PARD3: variants seen among roughly 807,000 people sequenced by gnomAD.
The protein encoded by PARD3 is par-3 family cell polarity regulator.
In PARD3, 75 loss-of-function variants were observed where a neutral mutation model predicts 155.4. That is an observed-to-expected ratio of 0.48 (90% CI 0.40 to 0.58). The LOEUF is 0.58. PARD3 is among the 20% of genes least tolerant of loss of function. The probability of loss-of-function intolerance (pLI) is 0.00; values close to 1 mark genes in which losing one functional copy is unlikely to be tolerated. For synonymous variants in PARD3, 576 were observed against 610.5 expected, an observed-to-expected ratio of 0.94 and a Z score of 0.83; for missense variants, 1,642 against 1,721.7, an observed-to-expected ratio of 0.95 and a Z score of 0.82.
chr10:34,671,832 T>C (rs1390072934), intron 2 of PARD3, among the ~76,000 whole-genome samples: 1 of 150,306 alleles, frequency 6.7e-6, no homozygotes, highest in African/African-American at 2.5e-5. Flanking sequence ...GGTCATGAAT[T>C]ACAAAAACAT....
At chr10:34,429,537 A>C (rs1221950764) in intron 5 of PARD3, among the ~76,000 whole-genome samples, 1 of 150,942 alleles carries the variant, frequency 6.6e-6, no homozygotes, top group Non-Finnish European at 1.5e-5. Context: ...CTAAGAATAC[A>C]GCCCCACTCT....
At chr10:34,666,814 TATAC>T (rs1554804667) in intron 2 of PARD3, among the ~76,000 whole-genome samples, 3 of 92,084 alleles carry the variant, frequency 3.3e-5, no homozygotes, top group African/African-American at 1.5e-4. Flanking sequence ...TATATATATA[TATAC>T]ACACACACAC....
At chr10:34,443,566 G>A (rs766603698) in intron 5 of PARD3, among the ~76,000 whole-genome samples, 7 of 152,082 alleles carry the variant, frequency 4.6e-5, no homozygotes, top group Middle Eastern at 3.2e-3. Context: ...AAGAGCTCGA[G>A]CAGGGAAATT....
At chr10:34,583,675 G>A (rs1283169510) in intron 2 of PARD3, among the ~76,000 whole-genome samples, 1 of 152,084 alleles carries the variant, frequency 6.6e-6, no homozygotes, top group Non-Finnish European at 1.5e-5. Context: ...TTATCTTCCA[G>A]AGGTTACTGC....
chr10:34,495,132 C>A (rs565447371), intron 3 of PARD3, among the ~76,000 whole-genome samples: 1 of 152,108 alleles, frequency 6.6e-6, no homozygotes, highest in African/African-American at 2.4e-5. Flanking sequence ...CATTGAGATA[C>A]CATTGCTTCC....
chr10:34,329,332 GCAT>G (rs1430321838), intron 19 of PARD3, among the ~76,000 whole-genome samples: 1 of 151,944 alleles, frequency 6.6e-6, no homozygotes, highest in Non-Finnish European at 1.5e-5. Flanking sequence ...AAGTTCAAAA[GCAT>G]CATTATAGAT....
chr10:34,231,266 CAAAAAAAAAA>C (rs57175956), intron 22 of PARD3, among the ~76,000 whole-genome samples: 2 of 81,840 alleles, frequency 2.4e-5, no homozygotes, highest in South Asian at 6.5e-4. Context: ...TAATCTTAGG[CAAAAAAAAAA>C]AAAAAAAAAA....
chr10:34,604,821 T>C (rs1251641919), intron 2 of PARD3, among the ~76,000 whole-genome samples: 3 of 151,974 alleles, frequency 2.0e-5, no homozygotes, highest in African/African-American at 4.8e-5. Flanking sequence ...ACTGATAAAT[T>C]TGCAGAAGAC....
rs199947472 is a variant in PARD3, at chr10:34,347,938, T to C, written c.2218+27A>G. The C allele has an allele frequency of 8.0e-4, 1,269 of 1,587,596 alleles. 2 individuals are homozygous for C. The highest frequency in any genetic ancestry group is 2.0e-3 in the Admixed American group (119 of 58,192). On this transcript the variant is annotated intron_variant, in intron 15 of 24. Coordinates refer to ENST00000374788, the MANE Select transcript of PARD3 (RefSeq NM_001184785.2). Reference sequence around the variant, plus strand: ...CCAATGAAAGCATCAAAATAAGATGTGATAAACAGAGTTTTACCTGACTCA... The same window carrying C: ...CCAATGAAAGCATCAAAATAAGATGCGATAAACAGAGTTTTACCTGACTCA...
chr10:34,366,262 A>G (rs1839957060), intron 12 of PARD3, among the ~76,000 whole-genome samples: 1 of 152,248 alleles, frequency 6.6e-6, no homozygotes, highest in Non-Finnish European at 1.5e-5. Context: ...TAGATAAGAT[A>G]TTCAACACTT....
intron 9 of PARD3, among the ~76,000 whole-genome samples, chr10:34,379,475 T>C (rs1388375145): frequency 1.3e-5 from 2 of 152,046 alleles, no homozygotes; most frequent in African/African-American, 4.8e-5. Context: ...TCTGGGGAGA[T>C]TTTTCCATAT....
At chr10:34,667,358 G>A (rs1166887272) in intron 2 of PARD3, among the ~76,000 whole-genome samples, 1 of 152,190 alleles carries the variant, frequency 6.6e-6, no homozygotes, top group Non-Finnish European at 1.5e-5. Flanking sequence ...AACCCCAAGT[G>A]TCATTCCACA....
chr10:34,540,328 A>G (rs567671152), intron 2 of PARD3, among the ~76,000 whole-genome samples: 29 of 139,994 alleles, frequency 2.1e-4, no homozygotes, highest in African/African-American at 9.7e-4. Flanking sequence ...AACACACTAT[A>G]TTAAAAAAAA....
At chr10:34,608,316 C>T (rs996151689) in intron 2 of PARD3, among the ~76,000 whole-genome samples, 6 of 152,094 alleles carry the variant, frequency 3.9e-5, no homozygotes, top group African/African-American at 1.4e-4. Context: ...TTCTTGACAA[C>T]GTATATAGCG....
At chr10:34,653,977 A>G (rs1687998019) in intron 2 of PARD3, among the ~76,000 whole-genome samples, 1 of 152,156 alleles carries the variant, frequency 6.6e-6, no homozygotes. Flanking sequence ...AGACATGCAC[A>G]CCAATTATGG....
Position 34,445,037 on chromosome 10 carries a change from T to C in PARD3, c.714+5280A>G, listed in dbSNP as rs576048924. ...GATGGCCATCAGTTCTACCCTGGTG[T>C]TCCCAAATTGGAAAGGCAGAGGATT... On this transcript the variant is annotated intron_variant, in intron 5 of 24. Coordinates refer to ENST00000374788, the MANE Select transcript of PARD3 (RefSeq NM_001184785.2). 3.9e-5 allele frequency among the ~76,000 whole-genome samples: 6 copies of C among 152,204 alleles called. No homozygotes were observed. The East Asian group carries it at 9.6e-4, about 24-fold the overall frequency.
At chr10:34,162,428 G>A (rs566077938) in intron 22 of PARD3, among the ~76,000 whole-genome samples, 7 of 152,088 alleles carry the variant, frequency 4.6e-5, no homozygotes, top group Non-Finnish European at 7.4e-5. Flanking sequence ...CTAATTTTTC[G>A]TGGTCGTGAG....
At chr10:34,460,827 G>A (rs189631583) in intron 4 of PARD3, among the ~76,000 whole-genome samples, 36 of 151,566 alleles carry the variant, frequency 2.4e-4, no homozygotes, top group Middle Eastern at 3.4e-3. Context: ...AGCCAGACTC[G>A]TCTCAAAAAA....
At chr10:34,566,691 T>G in intron 2 of PARD3, among the ~76,000 whole-genome samples, 1 of 152,184 alleles carries the variant, frequency 6.6e-6, no homozygotes, top group East Asian at 1.9e-4. Flanking sequence ...TAGAAAATAT[T>G]ACACAAAAGC....
Sources: allele counts gnomAD v4.1 joint callset (sites outside exome capture counted in the v4.1 genomes callset), GRCh38; gene constraint gnomAD v4.1.1; transcripts MANE v1.5; gene names NCBI Gene and HGNC (gene_info 2026-07-23, HGNC 2026-07-21).